MKX: variants seen among roughly 807,000 people sequenced by gnomAD.
The protein encoded by MKX is homeobox protein Mohawk.
MKX carries 13 observed loss-of-function variants against 36.0 expected under a neutral mutation model. The ratio of observed to expected loss-of-function variants is 0.36; its 90% CI spans 0.24 to 0.57. MKX has a LOEUF of 0.57. Among genes scored for constraint, MKX ranks in the 20% least tolerant of loss-of-function variants. The pLI is 0.79. For missense variants in MKX, 458 were observed against 456.4 expected (o/e 1.00, Z -0.03); for synonymous variants, 176 against 178.3 (o/e 0.99, Z 0.10).
At chr10:27,722,572 C>G in intron 5 of MKX, among the ~76,000 whole-genome samples, 1 of 152,212 alleles carries the variant, frequency 6.6e-6, no homozygotes, top group African/African-American at 2.4e-5. Context: ...GGCCAATACA[C>G]AGAGCTGCTG....
chr10:27,707,733 T>A (rs1210963619), intron 5 of MKX, among the ~76,000 whole-genome samples: 2 of 152,238 alleles, frequency 1.3e-5, no homozygotes, highest in Non-Finnish European at 2.9e-5. Flanking sequence ...TAATAAGTTT[T>A]GAATTTCAAA....
intron 5 of MKX, among the ~76,000 whole-genome samples, chr10:27,687,885 G>C (rs1310987556): frequency 6.6e-6 from 1 of 152,184 alleles, no homozygotes; most frequent in Non-Finnish European, 1.5e-5. Context: ...TTCTATTCTT[G>C]GCTCTTGGTA....
At chr10:27,688,757 G>T (rs1467712752) in intron 5 of MKX, among the ~76,000 whole-genome samples, 2 of 152,082 alleles carry the variant, frequency 1.3e-5, no homozygotes, top group African/African-American at 4.8e-5. Context: ...TCTTAATTTT[G>T]TCCCCACATC....
intron 5 of MKX, among the ~76,000 whole-genome samples, chr10:27,711,483 C>CTTTCTTTCTT (rs1391922537): frequency 1.8e-3 from 112 of 63,268 alleles, no homozygotes; most frequent in South Asian, 2.7e-3. Context: ...TTCTTTCTTT[C>CTTTCTTTCTT]TCTCTCTCTC....
At position 27,675,391 on chromosome 10, in the gene MKX, G is replaced by A. The variant is rs773311927; in HGVS notation, c.897C>T (p.Ser299=). The A allele has an allele frequency of 6.2e-7, 1 of 1,614,138 alleles. No individual in the cohort carries two copies. The highest frequency in any genetic ancestry group is 8.5e-7 in the Non-Finnish European group (1 of 1,180,028). The change falls in exon 7 of 7, where the codon AGC becomes AGT. Residue 299 remains serine (S), a synonymous_variant. Coordinates refer to ENST00000419761, the MANE Select transcript of MKX (RefSeq NM_173576.3). ...GESAANRKGP[S]KDDTYWKEIN... ...TCTCCTTCCAATACGTGTCATCCTTGCTTGGTCCTTTTCTGTTAGCTGCGC... is the reference window on the plus strand; with the variant it reads ...TCTCCTTCCAATACGTGTCATCCTTACTTGGTCCTTTTCTGTTAGCTGCGC...
In MKX at chr10:27,673,708, CA is replaced by C. The variant is rs992656390; in HGVS notation, c.*1520del. 1.3e-5 allele frequency: 2 copies of C among 152,314 alleles called. No homozygotes were observed. Among genetic ancestry groups the C allele is most frequent in the African/African-American group, 4.8e-5 (2 of 41,390 alleles). 9.4% of individuals were successfully genotyped at this position (152,314 alleles called of 1,614,324 possible). The stretch of plus-strand genomic sequence containing the variant: ...CATTACACTAAATAAACCCAATCCC[CA>C]AATGTTATGTTACATGAAAAAGTGT... On this transcript the variant is annotated 3_prime_UTR_variant, in exon 7 of 7. Coordinates refer to ENST00000419761, the MANE Select transcript of MKX (RefSeq NM_173576.3).
chr10:27,713,729 T>C (rs1277989724), intron 5 of MKX, among the ~76,000 whole-genome samples: 1 of 152,184 alleles, frequency 6.6e-6, no homozygotes, highest in Non-Finnish European at 1.5e-5. Context: ...TTATTAGATC[T>C]AATCTGGCAT....
At chr10:27,683,027 A>C (rs1286107130) in intron 5 of MKX, among the ~76,000 whole-genome samples, 1 of 152,016 alleles carries the variant, frequency 6.6e-6, no homozygotes, top group African/African-American at 2.4e-5. Context: ...AGAAGCGCAC[A>C]ACTACATGCG....
At position 27,742,291 on chromosome 10, in the gene MKX, G is replaced by C. The variant is rs1193256045; in HGVS notation, c.189-787C>G. On this transcript the variant is annotated intron_variant, in intron 2 of 6. Coordinates refer to ENST00000419761, the MANE Select transcript of MKX (RefSeq NM_173576.3). The surrounding 1 kb of genome is among the most constrained non-coding windows in gnomAD (Gnocchi z 4.2). The stretch of plus-strand genomic sequence containing the variant: ...GCTGCGCTCCCTCACGGGTCCGGGA[G>C]GTGTCGCGCGCGGCCGCCAGCGAGC... Among the ~76,000 whole-genome samples, 1 of 152,176 alleles carries C rather than the reference G, an allele frequency of 6.6e-6. No individual in the cohort carries two copies. The highest frequency in any genetic ancestry group is 1.5e-5 in the Non-Finnish European group (1 of 68,022).
rs984752629 is a variant in MKX, at chr10:27,742,829, G to A, written c.188+399C>T. 3.9e-5 allele frequency among the ~76,000 whole-genome samples: 6 copies of A among 152,122 alleles called. No homozygotes were observed. Among genetic ancestry groups the A allele is most frequent in the Admixed American group, 6.5e-5 (1 of 15,290 alleles). ...CCGAAGAGAAGTCCGCGGAGCCTGAGCCTGGACTCCCCGACTGCTCGGCTT... is the reference window on the plus strand; with the variant it reads ...CCGAAGAGAAGTCCGCGGAGCCTGAACCTGGACTCCCCGACTGCTCGGCTT... On this transcript the variant is annotated intron_variant, in intron 2 of 6. Coordinates refer to ENST00000419761, the MANE Select transcript of MKX (RefSeq NM_173576.3). The surrounding 1 kb of genome is among the most constrained non-coding windows in gnomAD (Gnocchi z 4.2).
In MKX at chr10:27,741,452, T is replaced by C. The variant is rs757961438; in HGVS notation, c.241A>G (p.Met81Val). Residue 81 changes from methionine (M) to valine (V), a missense_variant, in exon 3 of 7, where the codon ATG becomes GTG. Around this residue, in one of 3 missense-constraint regions of MKX, gnomAD observed 149 missense variants for 114.3 expected, o/e 1.30. Transcript: ENST00000419761. This position sits in a 1 kb window ranked among gnomAD's most constrained non-coding sequence, Gnocchi z 5.1. ...VRHKRQALQD[M>V]ARPLKQWLYK... Reference sequence around the variant, plus strand: ...AGCCACTGCTTGAGGGGTCGCGCCATGTCTTGCAGGGCCTGCCGCTTGTGC... The same window carrying C: ...AGCCACTGCTTGAGGGGTCGCGCCACGTCTTGCAGGGCCTGCCGCTTGTGC... The C allele has an allele frequency of 6.2e-7, 1 of 1,611,270 alleles. No homozygotes were observed. Among genetic ancestry groups the C allele is most frequent in the South Asian group, 1.1e-5 (1 of 90,594 alleles).
In MKX at chr10:27,715,673, G is replaced by A. The variant is rs182698904; in HGVS notation, c.838+18783C>T. Among the ~76,000 whole-genome samples the A allele has an allele frequency of 1.1e-4, 17 of 152,316 alleles. No homozygotes were observed. The South Asian group carries it at 3.1e-3, about 28-fold the overall frequency. ...AAATACATGTAGGGCACTTAGTGCA[G>A]TGCCTGGCACAGGGATCCCTAGCTA... On this transcript the variant is annotated intron_variant, in intron 5 of 6. Coordinates refer to ENST00000419761, the MANE Select transcript of MKX (RefSeq NM_173576.3).
intron 5 of MKX, among the ~76,000 whole-genome samples, chr10:27,713,715 G>A (rs1836912798): frequency 6.6e-6 from 1 of 151,876 alleles, no homozygotes; most frequent in Non-Finnish European, 1.5e-5. Flanking sequence ...CACAATATAC[G>A]GTATTATTAG....
intron 5 of MKX, among the ~76,000 whole-genome samples, chr10:27,680,799 A>C (rs575054246): frequency 6.6e-6 from 1 of 152,200 alleles, no homozygotes; most frequent in Non-Finnish European, 1.5e-5. Context: ...CAAAAATTAT[A>C]TATGTTTCCC....
In MKX at chr10:27,701,508, ATATAT is replaced by A. The variant is rs987265196; in HGVS notation, c.839-25959_839-25955del. On this transcript the variant is annotated intron_variant, in intron 5 of 6. Transcript: ENST00000419761. ...AAATATATAATATAATATATAAAAGATATATTATATTTAATATCTTTGTATGTTTA... is the reference window on the plus strand; with the variant it reads ...AAATATATAATATAATATATAAAAGATATATTTAATATCTTTGTATGTTTA... Among the ~76,000 whole-genome samples the A allele has an allele frequency of 1.4e-4, 21 of 145,770 alleles. No individual in the cohort carries two copies. The East Asian group carries it at 1.6e-3, about 11-fold the overall frequency.
In MKX at chr10:27,743,462, C is replaced by G. The variant is rs61746110; in HGVS notation, c.-47G>C. The G allele has an allele frequency of 4.8e-6, 7 of 1,473,258 alleles. No homozygotes were observed. Among genetic ancestry groups the G allele is most frequent in the African/African-American group, 4.5e-5 (3 of 67,230 alleles). The allele number at this position is 1,473,258 out of a possible 1,614,324, so 91.3% of individuals were successfully genotyped here. A position where few individuals can be genotyped will look rare whatever the true frequency, so the allele number is the denominator to read the frequency against. On this transcript the variant is annotated 5_prime_UTR_variant, in exon 2 of 7. Coordinates refer to ENST00000419761, the MANE Select transcript of MKX (RefSeq NM_173576.3). ...GCGGCGCGGCCGCAGAGCCTCGGGG[C>G]TGGGCCGCCGGGAGCTCCGCAGCGG...
chr10:27,692,267 AGGTGAGGT>A (rs1336190745), intron 5 of MKX, among the ~76,000 whole-genome samples: 1 of 152,192 alleles, frequency 6.6e-6, no homozygotes, highest in Non-Finnish European at 1.5e-5. Flanking sequence ...TCTTTTTGTC[AGGTGAGGT>A]GGTAAAACAT....
intron 5 of MKX, among the ~76,000 whole-genome samples, chr10:27,697,027 C>T (rs1276626753): frequency 1.3e-5 from 2 of 152,236 alleles, no homozygotes; most frequent in Non-Finnish European, 2.9e-5. Flanking sequence ...AATTGTATCA[C>T]TGCTTCATTC....
intron 5 of MKX, among the ~76,000 whole-genome samples, chr10:27,705,247 C>T (rs1836727361): frequency 1.9e-5 from 1 of 53,698 alleles, no homozygotes; most frequent in Non-Finnish European, 4.2e-5. Flanking sequence ...TGCTACACAG[C>T]TGTAAAAAAA....
Sources: allele counts gnomAD v4.1 joint callset (sites outside exome capture counted in the v4.1 genomes callset), GRCh38; gene constraint gnomAD v4.1.1; regional missense constraint gnomAD v4.1.1; non-coding constraint Gnocchi (gnomAD v3.1); transcripts MANE v1.5; gene names NCBI Gene and HGNC (gene_info 2026-07-23, HGNC 2026-07-21).